Variants in VPS13C observed in about 807,000 individuals in gnomAD.
VPS13C encodes intermembrane lipid transfer protein VPS13C.
In VPS13C, 358 loss-of-function variants were observed where a neutral mutation model predicts 456.8. That is an observed-to-expected ratio of 0.78 (90% CI 0.72 to 0.86). The LOEUF is 0.86. VPS13C is among the 40% of genes least tolerant of loss of function. The pLI, the probability that VPS13C is intolerant of heterozygous loss-of-function variation, is 0.00. For synonymous variants in VPS13C, 1,578 were observed against 1,486.7 expected (o/e 1.06, Z -1.41); for missense variants, 4,818 against 4,385.4 (o/e 1.10, Z -2.79).
chr15:62,000,833 T>C (rs1180799037), intron 15 of VPS13C, among the ~76,000 whole-genome samples: 1 of 152,122 alleles, frequency 6.6e-6, no homozygotes, highest in African/African-American at 2.4e-5. Flanking sequence ...AAATAAATCC[T>C]CATTAAATAT....
rs1893702003 is a variant in VPS13C, at chr15:61,852,520, CA to C, written c.*1936del. ...TTATTTCTGTCCCTGGAGATTAAAT[CA>C]AATCAAAATGTTACAAATAGTATCA... On this transcript the variant is annotated 3_prime_UTR_variant, in exon 85 of 85. Transcript: ENST00000644861. The C allele has an allele frequency of 6.6e-6, 1 of 152,110 alleles. No homozygotes were observed. Among genetic ancestry groups the C allele is most frequent in the African/African-American group, 2.4e-5 (1 of 41,446 alleles). The allele number at this position is 152,110 out of a possible 1,614,324, so 9.4% of individuals were successfully genotyped here. A position where few individuals can be genotyped will look rare whatever the true frequency, so the allele number is the denominator to read the frequency against.
chr15:61,865,349 C>T lies in VPS13C; in HGVS notation c.10864-1821G>A. 4 of 979,070 alleles carry T rather than the reference C, an allele frequency of 4.1e-6. No homozygotes were observed. The African/African-American group carries it at 5.3e-5, about 13-fold the overall frequency. The allele number at this position is 979,070 out of a possible 1,614,324, so 60.6% of individuals were successfully genotyped here. On this transcript the variant is annotated intron_variant, in intron 81 of 84. Coordinates refer to ENST00000644861, the MANE Select transcript of VPS13C (RefSeq NM_020821.3). Reference sequence around the variant, plus strand: ...GTCATGAATTAAGACGAGATAAAAACACAATGTAATGTCACCTCAATAGAT... The same window carrying T: ...GTCATGAATTAAGACGAGATAAAAATACAATGTAATGTCACCTCAATAGAT...
chr15:61,866,762 C>A, intron 81 of VPS13C: 2 of 984,596 alleles, frequency 2.0e-6, no homozygotes, highest in Non-Finnish European at 2.4e-6. Flanking sequence ...GGATGTCAGT[C>A]TTTCTTCTTT....
At chr15:61,952,010 C>T (rs2044815936) in intron 38 of VPS13C, 30 bp from the exon 39 acceptor site, 1 of 1,601,636 alleles carries the variant, frequency 6.2e-7, no homozygotes, top group African/African-American at 1.3e-5. Flanking sequence ...TTACCACCAA[C>T]TATTTCACCA....
intron 18 of VPS13C, among the ~76,000 whole-genome samples, chr15:61,987,025 TCAAAGA>T (rs1273331531): frequency 5.9e-5 from 9 of 152,130 alleles, no homozygotes; most frequent in Admixed American, 1.3e-4. Flanking sequence ...TGACAGATGG[TCAAAGA>T]CAAAGAAAGG....
chr15:62,054,378 T>C (rs1396042901), intron 1 of VPS13C, among the ~76,000 whole-genome samples: 1 of 152,232 alleles, frequency 6.6e-6, no homozygotes, highest in Admixed American at 6.5e-5. Flanking sequence ...TAGAGGTTTT[T>C]TTTAAAAGAA....
In VPS13C at chr15:61,922,539, ACAC is replaced by A. The variant is rs764016566; in HGVS notation, c.6830_6832del (p.Gly2277del). The A allele has an allele frequency of 3.1e-6, 5 of 1,614,092 alleles. No homozygotes were observed. Among genetic ancestry groups the A allele is most frequent in the Non-Finnish European group, 3.4e-6 (4 of 1,179,968 alleles). On this transcript the variant is annotated inframe_deletion, in exon 54 of 85. Transcript: ENST00000644861. ...GGTAACTTGAATGGATTCTACAACA[ACAC>A]CACAATTTTCCTCTATCAGTGAATG...
In VPS13C at chr15:62,060,335, A is replaced by C; in HGVS notation, c.40T>G (p.Phe14Val). Residue 14 changes from phenylalanine to valine, a missense_variant, in exon 1 of 85, where the codon TTC becomes GTC. Transcript: ENST00000644861. ...ESVVADLLNR[F>V]LGDYVENLNK... Reference sequence around the variant, plus strand: ...AGGTTCTCCACATAGTCCCCCAGGAAGCGGTTCAGCAAGTCCGCGACCACC... The same window carrying C: ...AGGTTCTCCACATAGTCCCCCAGGACGCGGTTCAGCAAGTCCGCGACCACC... The C allele has an allele frequency of 6.2e-7, 1 of 1,606,886 alleles. No individual in the cohort carries two copies. The highest frequency in any genetic ancestry group is 8.5e-7 in the Non-Finnish European group (1 of 1,177,186).
intron 41 of VPS13C, among the ~76,000 whole-genome samples, chr15:61,950,042 T>G (rs766031112): frequency 9.9e-5 from 15 of 152,202 alleles, no homozygotes; most frequent in Non-Finnish European, 1.8e-4. Flanking sequence ...AAATGTTTAA[T>G]GCTTCCATCA....
intron 17 of VPS13C, 37 bp downstream of exon 17, chr15:61,991,636 T>C (rs759437017): frequency 6.3e-7 from 1 of 1,585,694 alleles, no homozygotes; most frequent in Non-Finnish European, 8.6e-7. Context: ...TTTTTTAACT[T>C]AACACTGTAC....
intron 67 of VPS13C, among the ~76,000 whole-genome samples, chr15:61,886,263 A>G (rs1378630179): frequency 6.6e-6 from 1 of 152,100 alleles, no homozygotes; most frequent in Non-Finnish European, 1.5e-5. Context: ...TAAATTTTCT[A>G]ATTTTTCTGG....
chr15:62,044,314 C>T (rs1408458033), intron 1 of VPS13C, 59 bp from the exon 2 acceptor site: 1 of 1,080,950 alleles, frequency 9.3e-7, no homozygotes, highest in Non-Finnish European at 1.3e-6. Context: ...TTAAACCTAT[C>T]ACAATGTAGT....
intron 18 of VPS13C, among the ~76,000 whole-genome samples, chr15:61,988,941 A>T (rs890759872): frequency 3.3e-5 from 5 of 152,228 alleles, no homozygotes; most frequent in Admixed American, 6.5e-5. Context: ...ATAAAGTAAG[A>T]CAATATAAAA....
chr15:62,037,685 CAT>C (rs1340954514), intron 3 of VPS13C, among the ~76,000 whole-genome samples: 1 of 131,918 alleles, frequency 7.6e-6, no homozygotes, highest in Non-Finnish European at 1.6e-5. Flanking sequence ...TTGTACGTAA[CAT>C]GTGCATAAAT....
At chr15:61,876,709 G>C (rs1895451319) in intron 75 of VPS13C, among the ~76,000 whole-genome samples, 1 of 151,832 alleles carries the variant, frequency 6.6e-6, no homozygotes, top group African/African-American at 2.4e-5. Context: ...CAAGTATAAT[G>C]ACTATAAAGT....
chr15:61,957,936 A>AT (rs1259763516), intron 37 of VPS13C, among the ~76,000 whole-genome samples: 3 of 152,048 alleles, frequency 2.0e-5, no homozygotes, highest in Admixed American at 6.6e-5. Context: ...CACTGTTAAT[A>AT]TTTTTTTAAA....
At chr15:62,022,488 A>G (rs776595434) in intron 8 of VPS13C, among the ~76,000 whole-genome samples, 19 of 151,924 alleles carry the variant, frequency 1.3e-4, no homozygotes, top group Admixed American at 2.6e-4. Context: ...GCTTGTTATT[A>G]ACAAAGGCAT....
At position 61,959,356 on chromosome 15, in the gene VPS13C, CAA is replaced by C. The variant is rs542987379; in HGVS notation, c.4056+90_4056+91del. ...CTGAAATTTCTCTTATACTATTCAG[CAA>C]AAGAGTCTACATTTCATTTGGATTT... is the stretch of plus-strand genomic sequence containing the variant. On this transcript the variant is annotated intron_variant, in intron 36 of 84. Coordinates refer to ENST00000644861, the MANE Select transcript of VPS13C (RefSeq NM_020821.3). 1.2e-3 allele frequency: 1,403 copies of C among 1,181,078 alleles called. 1 individual carries two copies. The highest frequency in any genetic ancestry group is 1.4e-3 in the Non-Finnish European group (1,204 of 867,318). The allele number at this position is 1,181,078 out of a possible 1,614,324, so 73.2% of individuals were successfully genotyped here.
At chr15:61,907,813 G>C (rs2043192751) in intron 65 of VPS13C, among the ~76,000 whole-genome samples, 1 of 152,128 alleles carries the variant, frequency 6.6e-6, no homozygotes, top group Non-Finnish European at 1.5e-5. Context: ...TTCATTCACA[G>C]GCAAGATCAT....
Sources: gnomAD v4.1 joint callset for allele counts (sites outside exome capture counted in the v4.1 genomes callset) on GRCh38, gnomAD v4.1.1 for gene constraint, MANE v1.5 for transcripts, NCBI Gene and HGNC (gene_info 2026-07-23, HGNC 2026-07-21) for gene names.